MYO18B: variants seen among roughly 807,000 people sequenced by gnomAD.
The protein encoded by MYO18B is unconventional myosin-XVIIIb.
MYO18B carries 204 observed loss-of-function variants against 273.0 expected under a neutral mutation model. The ratio of observed to expected loss-of-function variants is 0.75; its 90% CI spans 0.67 to 0.84. MYO18B has a LOEUF of 0.84. MYO18B is among the 40% of genes least tolerant of loss of function. MYO18B has a pLI of 0.00. For missense variants in MYO18B, 3,212 were observed against 3,287.6 expected (o/e 0.98, Z 0.56); for synonymous variants, 1,330 against 1,305.7 (o/e 1.02, Z -0.40).
At position 25,876,042 on chromosome 22, in the gene MYO18B, G is replaced by A. The variant is rs1210487032; in HGVS notation, c.4081-147G>A. The A allele has an allele frequency of 1.1e-4, 48 of 446,170 alleles. 1 individual carries two copies. Among genetic ancestry groups the A allele is most frequent in the South Asian group, 8.6e-4 (36 of 42,012 alleles). The allele number at this position is 446,170 out of a possible 1,614,324, so 27.6% of individuals were successfully genotyped here. On this transcript the variant is annotated intron_variant, in intron 23 of 43. Transcript: ENST00000335473. The stretch of plus-strand genomic sequence containing the variant: ...TGTGTGTGTGTGTGTGTGTGTGTGT[G>A]TGTATGTGTTTTAAGGTATCCAGTC...
the MYO18B span, among the ~76,000 whole-genome samples, chr22:26,061,658 G>T: frequency 6.9e-6 from 1 of 145,590 alleles, no homozygotes; most frequent in African/African-American, 2.6e-5. Context: ...ACCAAGAAAG[G>T]TCATCTACCA....
intron 42 of MYO18B, among the ~76,000 whole-genome samples, chr22:26,018,639 C>T (rs1329790717): frequency 6.6e-6 from 1 of 152,164 alleles, no homozygotes; most frequent in East Asian, 1.9e-4. Context: ...CAAAGCCTGA[C>T]TCAACCCACC....
chr22:25,967,584 G>A (rs528027535), intron 39 of MYO18B, among the ~76,000 whole-genome samples: 1 of 152,252 alleles, frequency 6.6e-6, no homozygotes, highest in South Asian at 2.1e-4. Context: ...AAGCGAAATG[G>A]TTTTTTTGGG....
chr22:25,998,356 C>T (rs1409639656), intron 40 of MYO18B, among the ~76,000 whole-genome samples: 2 of 152,166 alleles, frequency 1.3e-5, no homozygotes, highest in Admixed American at 6.5e-5. Flanking sequence ...TGTCTGTCAC[C>T]TTGGCTAGGG....
chr22:25,754,706 T>C (rs1156610691), intron 1 of MYO18B, among the ~76,000 whole-genome samples: 2 of 152,162 alleles, frequency 1.3e-5, no homozygotes, highest in African/African-American at 4.8e-5. Flanking sequence ...ATAAGAACAC[T>C]TGCTTAAATT....
At chr22:25,927,004 C>A (rs555736266) in intron 34 of MYO18B, among the ~76,000 whole-genome samples, 1 of 152,262 alleles carries the variant, frequency 6.6e-6, no homozygotes, top group South Asian at 2.1e-4. Context: ...CCAGTCAGTA[C>A]CCTTGTGATT....
At chr22:25,776,731 G>C (rs1301001303) in intron 7 of MYO18B, among the ~76,000 whole-genome samples, 1 of 152,206 alleles carries the variant, frequency 6.6e-6, no homozygotes, top group Non-Finnish European at 1.5e-5. Flanking sequence ...CAATGACATA[G>C]AGGGGTTTTT....
rs1601653918 is a variant in MYO18B, at chr22:25,947,776, A to C, written c.5696A>C (p.Asp1899Ala). The change falls in exon 36 of 44, where the codon GAC becomes GCC. Residue 1899 changes from aspartate to alanine, a missense_variant. Coordinates refer to ENST00000335473, the MANE Select transcript of MYO18B (RefSeq NM_032608.7). ...GACCTCCTGAAGCGCATCGATGAGG[A>C]CCAGGATGACCTGAATGAGCTGATG... ...KADLLKRIDE[D>A]QDDLNELMQK... The C allele has an allele frequency of 6.2e-7, 1 of 1,613,878 alleles. No individual in the cohort carries two copies. The highest frequency in any genetic ancestry group is 2.2e-5 in the East Asian group (1 of 44,874).
intron 2 of MYO18B, 111 bp downstream of exon 2, chr22:25,761,242 C>T: frequency 8.1e-7 from 1 of 1,229,820 alleles, no homozygotes; most frequent in Non-Finnish European, 1.2e-6. Context: ...ATCCAGCCCT[C>T]CTAGTAGCAT....
chr22:26,051,975 T>C, the MYO18B span, among the ~76,000 whole-genome samples: 1 of 152,232 alleles, frequency 6.6e-6, no homozygotes, highest in African/African-American at 2.4e-5. Context: ...CAGTCCCTCT[T>C]GATGAACACT....
intron 11 of MYO18B, among the ~76,000 whole-genome samples, chr22:25,789,503 G>T (rs2087559574): frequency 6.6e-6 from 1 of 151,940 alleles, no homozygotes; most frequent in Admixed American, 6.6e-5. Flanking sequence ...AGGTGTGGTG[G>T]CACGTGCCTG....
At chr22:25,889,537 C>T (rs1318784850) in intron 25 of MYO18B, among the ~76,000 whole-genome samples, 2 of 149,390 alleles carry the variant, frequency 1.3e-5, no homozygotes, top group Admixed American at 6.8e-5. Flanking sequence ...GGACTCGAAC[C>T]TTGCACCCTA....
intron 1 of MYO18B, among the ~76,000 whole-genome samples, chr22:25,747,671 C>G (rs1452177028): frequency 6.6e-6 from 1 of 152,156 alleles, no homozygotes. Flanking sequence ...GCAATGGAGG[C>G]TGGCAGGGTG....
intron 7 of MYO18B, 68 bp downstream of exon 7, chr22:25,772,578 C>A: frequency 1.4e-6 from 2 of 1,470,022 alleles, no homozygotes; most frequent in Non-Finnish European, 1.8e-6. Flanking sequence ...GATCCCTCTG[C>A]ATCTGAGGTG....
intron 31 of MYO18B, among the ~76,000 whole-genome samples, chr22:25,905,148 T>C (rs569823402): frequency 6.6e-6 from 1 of 152,006 alleles, no homozygotes; most frequent in Non-Finnish European, 1.5e-5. Context: ...TCTGTTGAAC[T>C]GAAGTGGGGA....
intron 39 of MYO18B, among the ~76,000 whole-genome samples, chr22:25,989,704 A>C (rs1291680406): frequency 7.2e-6 from 1 of 139,710 alleles, no homozygotes; most frequent in Non-Finnish European, 1.5e-5. Context: ...AGGCTGAGGC[A>C]GGAGAATGGC....
At chr22:25,963,779 A>G (rs930750010) in intron 39 of MYO18B, among the ~76,000 whole-genome samples, 1 of 151,878 alleles carries the variant, frequency 6.6e-6, no homozygotes, top group African/African-American at 2.4e-5. Flanking sequence ...TTTATTGGGT[A>G]GCTATGGGGA....
chr22:26,052,541 C>T, the MYO18B span, among the ~76,000 whole-genome samples: 14 of 152,090 alleles, frequency 9.2e-5, no homozygotes, highest in Non-Finnish European at 1.9e-4. Context: ...CCCCACCAGA[C>T]ATTTATTATG....
At chr22:25,835,703 T>A (rs2089874607) in intron 17 of MYO18B, among the ~76,000 whole-genome samples, 1 of 152,230 alleles carries the variant, frequency 6.6e-6, no homozygotes. Flanking sequence ...AGGCACAAGC[T>A]CACAGCCAAG....
Sources: allele counts gnomAD v4.1 joint callset (sites outside exome capture counted in the v4.1 genomes callset), GRCh38; gene constraint gnomAD v4.1.1; transcripts MANE v1.5; gene names NCBI Gene and HGNC (gene_info 2026-07-23, HGNC 2026-07-21).